MAGI2: variants seen among roughly 807,000 people sequenced by gnomAD.
MAGI2 encodes membrane associated guanylate kinase, WW and PDZ domain containing 2, also known as membrane-associated guanylate kinase, WW and PDZ domain-containing protein 2.
MAGI2 carries 35 observed loss-of-function variants against 133.3 expected under a neutral mutation model. The observed-to-expected ratio is 0.26, with a 90% CI of 0.20 to 0.35. The LOEUF (loss-of-function observed/expected upper bound fraction) is 0.35. MAGI2 is among the 10% of genes least tolerant of loss of function. The pLI is 1.00. For synonymous variants in MAGI2, 729 were observed against 710.6 expected (o/e 1.03, Z -0.41); for missense variants, 1,636 against 1,863.4 (o/e 0.88, Z 2.25).
At chr7:78,939,170 T>G (rs1055785817) in intron 2 of MAGI2, among the ~76,000 whole-genome samples, 3 of 152,038 alleles carry the variant, frequency 2.0e-5, no homozygotes, top group African/African-American at 4.8e-5. Context: ...ATGTTTGTAT[T>G]TTTAGTAGAG....
rs60248488 is a variant in MAGI2, at chr7:78,851,487, A to G, written c.418+155603T>C. ...CAGGGTGAAGTTACCACTCAATTTA[A>G]AAAGATAACATTCCCATTACAATGG... On this transcript the variant is annotated intron_variant, in intron 2 of 21. Transcript: ENST00000354212. 4.7e-3 allele frequency among the ~76,000 whole-genome samples: 716 copies of G among 152,190 alleles called. 7 individuals are homozygous for G. The highest frequency in any genetic ancestry group is 0.016 in the African/African-American group (677 of 41,542).
chr7:78,964,862 C>T (rs1404507737), intron 2 of MAGI2, among the ~76,000 whole-genome samples: 3 of 151,974 alleles, frequency 2.0e-5, no homozygotes, highest in African/African-American at 7.2e-5. Flanking sequence ...TTAAAATATT[C>T]TGCTTTTACA....
intron 6 of MAGI2, among the ~76,000 whole-genome samples, chr7:78,380,984 C>G (rs1019924268): frequency 6.6e-6 from 1 of 152,152 alleles, no homozygotes; most frequent in Non-Finnish European, 1.5e-5. Context: ...TGAGCCCCAT[C>G]TTTCTAGCTT....
At chr7:78,875,770 T>C (rs1204198229) in intron 2 of MAGI2, among the ~76,000 whole-genome samples, 1 of 152,132 alleles carries the variant, frequency 6.6e-6, no homozygotes, top group Non-Finnish European at 1.5e-5. Context: ...AGCCTAGATT[T>C]TGGGCATAGC....
chr7:78,831,814 T>C (rs536824551), intron 2 of MAGI2, among the ~76,000 whole-genome samples: 5 of 152,340 alleles, frequency 3.3e-5, no homozygotes, highest in African/African-American at 1.2e-4. Flanking sequence ...AGATAAATTG[T>C]TCTAATTGAT....
intron 2 of MAGI2, among the ~76,000 whole-genome samples, chr7:78,786,576 A>G (rs532074614): frequency 3.3e-5 from 5 of 152,274 alleles, no homozygotes; most frequent in Non-Finnish European, 4.4e-5. Flanking sequence ...CTTCTAAAAC[A>G]GCAAGCAGAG....
At chr7:78,828,323 T>C (rs1790846707) in intron 2 of MAGI2, among the ~76,000 whole-genome samples, 1 of 152,212 alleles carries the variant, frequency 6.6e-6, no homozygotes, top group African/African-American at 2.4e-5. Context: ...TCAGCATCAA[T>C]ACTGATAAGC....
chr7:78,227,280 C>T (rs1481996640), intron 10 of MAGI2, among the ~76,000 whole-genome samples: 1 of 152,236 alleles, frequency 6.6e-6, no homozygotes, highest in Non-Finnish European at 1.5e-5. Flanking sequence ...CACTGGTCAT[C>T]ATCATTGCTC....
At chr7:78,402,328 G>T (rs1341988172) in intron 6 of MAGI2, among the ~76,000 whole-genome samples, 1 of 108,424 alleles carries the variant, frequency 9.2e-6, no homozygotes, top group Non-Finnish European at 1.9e-5. Context: ...TCCACCTAGG[G>T]TGTGTATGTG....
chr7:79,244,051 T>G (rs1341475790), intron 1 of MAGI2, among the ~76,000 whole-genome samples: 1 of 152,228 alleles, frequency 6.6e-6, no homozygotes, highest in African/African-American at 2.4e-5. Flanking sequence ...CTATTTGATG[T>G]TTCTTCTGCC....
chr7:79,026,899 G>A (rs866985291), intron 1 of MAGI2, among the ~76,000 whole-genome samples: 1 of 151,776 alleles, frequency 6.6e-6, no homozygotes, highest in African/African-American at 2.4e-5. Context: ...AAATGGGCAG[G>A]AGAGCTGAAT....
chr7:78,614,501 TAAA>T (rs1349687253), intron 3 of MAGI2: 1 of 152,174 alleles, frequency 6.6e-6, no homozygotes, highest in Non-Finnish European at 1.5e-5. Flanking sequence ...TCTGACTTCA[TAAA>T]AAACATTATT....
chr7:79,106,334 AGGAATTTT>A lies in MAGI2; in HGVS notation c.302-99136_302-99129del, dbSNP rs1251971332. On this transcript the variant is annotated intron_variant, in intron 1 of 21. Transcript: ENST00000354212. ...AATTGATTGCAAAGATGAAGCATGAAGGAATTTTTGTGCATGTATGTTTGTGATGGAAA... is the reference window on the plus strand; with the variant it reads ...AATTGATTGCAAAGATGAAGCATGAATGTGCATGTATGTTTGTGATGGAAA... Among the ~76,000 whole-genome samples, 9 of 152,314 alleles carry A rather than the reference AGGAATTTT, an allele frequency of 5.9e-5. No homozygotes were observed. The East Asian group carries it at 9.6e-4, about 16-fold the overall frequency.
intron 3 of MAGI2, among the ~76,000 whole-genome samples, chr7:78,578,890 T>A (rs992656587): frequency 6.6e-6 from 1 of 152,160 alleles, no homozygotes; most frequent in African/African-American, 2.4e-5. Flanking sequence ...TTCCCCACAA[T>A]ACCCTCAACC....
intron 2 of MAGI2, among the ~76,000 whole-genome samples, chr7:78,798,742 C>T (rs550412424): frequency 6.6e-6 from 1 of 152,254 alleles, no homozygotes; most frequent in South Asian, 2.1e-4. Context: ...TCTCTCTGAG[C>T]TATACCCAGT....
At chr7:78,654,150 T>A (rs1382567479) in intron 2 of MAGI2, among the ~76,000 whole-genome samples, 1 of 152,174 alleles carries the variant, frequency 6.6e-6, no homozygotes. Flanking sequence ...ATAAAGAGCA[T>A]GAATTCTTGA....
chr7:78,048,434 C>T (rs1811655914), intron 21 of MAGI2, among the ~76,000 whole-genome samples: 3 of 152,174 alleles, frequency 2.0e-5, no homozygotes, highest in Non-Finnish European at 4.4e-5. Context: ...CTCTCACCTT[C>T]TTCCTCGTTG....
intron 6 of MAGI2, among the ~76,000 whole-genome samples, chr7:78,438,333 A>C (rs1160589130): frequency 1.3e-5 from 2 of 152,126 alleles, no homozygotes; most frequent in Non-Finnish European, 2.9e-5. Context: ...TAAAAGCTTA[A>C]GATGTGAATT....
rs1554345220 is a variant in MAGI2 at position 79,056,231 on chromosome 7, A to AAC, written c.302-49026_302-49025insGT. ...GAGATTCCATCTCAAAAAACAACAA[A>AAC]AAAAAAATTAGCTGTGCATGGTTGC... On this transcript the variant is annotated intron_variant, in intron 1 of 21. Transcript: ENST00000354212. Among the ~76,000 whole-genome samples the AAC allele has an allele frequency of 2.7e-3, 408 of 150,154 alleles. 1 individual carries two copies. Among genetic ancestry groups the AAC allele is most frequent in the African/African-American group, 0.01 (401 of 39,988 alleles).
Sources: gnomAD v4.1 joint callset for allele counts (sites outside exome capture counted in the v4.1 genomes callset) on GRCh38, gnomAD v4.1.1 for gene constraint, MANE v1.5 for transcripts, NCBI Gene and HGNC (gene_info 2026-07-23, HGNC 2026-07-21) for gene names.